PPP1R7: variants seen among roughly 807,000 people sequenced by gnomAD.
The protein encoded by PPP1R7 is protein phosphatase 1 regulatory subunit 7.
Under a neutral mutation model 45.2 loss-of-function variants are expected in PPP1R7, and 18 were observed. The ratio of observed to expected loss-of-function variants is 0.40; its 90% CI spans 0.28 to 0.59. The LOEUF (loss-of-function observed/expected upper bound fraction) is 0.59. Among genes scored for constraint, PPP1R7 ranks in the 20% least tolerant of loss-of-function variants. PPP1R7 has a pLI of 0.46. For missense variants in PPP1R7, 314 were observed against 455.8 expected (o/e 0.69, Z 2.83); for synonymous variants, 181 against 183.4 (o/e 0.99, Z 0.11).
chr2:241,154,777 C>G (rs188203684), intron 2 of PPP1R7, among the ~76,000 whole-genome samples: 4 of 152,154 alleles, frequency 2.6e-5, no homozygotes, highest in African/African-American at 9.7e-5. Flanking sequence ...ACACATCAAA[C>G]GGGCTGAGTC....
chr2:241,150,602 G>A (rs1313364415), intron 1 of PPP1R7, 55 bp downstream of exon 1: 5 of 1,543,694 alleles, frequency 3.2e-6, no homozygotes, highest in Non-Finnish European at 4.4e-6. Flanking sequence ...GGGGAGCTGC[G>A]GGCTGGAACT....
At chr2:241,174,046 T>G (rs2067867430) in intron 9 of PPP1R7, among the ~76,000 whole-genome samples, 1 of 152,194 alleles carries the variant, frequency 6.6e-6, no homozygotes, top group Admixed American at 6.5e-5. Context: ...GTTGAATGTC[T>G]GGAATTTATG....
intron 9 of PPP1R7, among the ~76,000 whole-genome samples, chr2:241,174,338 C>T (rs927331855): frequency 5.3e-5 from 8 of 152,184 alleles, no homozygotes; most frequent in African/African-American, 1.7e-4. Flanking sequence ...AGTTCTTCGA[C>T]CAGCCTTTAG....
At chr2:241,177,599 A>G (rs1225560557) in intron 9 of PPP1R7, among the ~76,000 whole-genome samples, 1 of 152,236 alleles carries the variant, frequency 6.6e-6, no homozygotes, top group Non-Finnish European at 1.5e-5. Flanking sequence ...TTAAAGTGAA[A>G]GAAAGCGATT....
At chr2:241,175,321 A>T (rs2067891924) in intron 9 of PPP1R7, among the ~76,000 whole-genome samples, 1 of 152,232 alleles carries the variant, frequency 6.6e-6, no homozygotes, top group African/African-American at 2.4e-5. Context: ...CTCTGTACCC[A>T]TTAAACAATA....
chr2:241,157,937 TA>T, intron 3 of PPP1R7, 75 bp downstream of exon 3: 1 of 1,482,376 alleles, frequency 6.7e-7, no homozygotes, highest in Non-Finnish European at 9.4e-7. Flanking sequence ...ATGAGATTAG[TA>T]AGTTATTTCC....
At position 241,168,843 on chromosome 2, in the gene PPP1R7, A is replaced by T. The variant is rs952865614; in HGVS notation, c.820-938A>T. The stretch of plus-strand genomic sequence containing the variant: ...ACATTTCAGGGGAGATGGGGGGAGG[A>T]GTATTTGCTTTTGAGAAATTTTTTA... On this transcript the variant is annotated intron_variant, in intron 8 of 9. Transcript: ENST00000234038. 2.0e-5 allele frequency among the ~76,000 whole-genome samples: 3 copies of T among 152,144 alleles called. No homozygotes were observed. In the South Asian group the frequency reaches 6.2e-4, roughly 32 times the overall value.
chr2:241,151,632 T>C, intron 1 of PPP1R7: 1 of 457,534 alleles, frequency 2.2e-6, no homozygotes, highest in South Asian at 1.6e-5. Flanking sequence ...TCATACCCTT[T>C]GAGTCTTTTT....
At chr2:241,149,898 G>A, upstream of PPP1R7, 4 of 1,439,954 alleles carry the variant, frequency 2.8e-6, no homozygotes, top group South Asian at 5.9e-5. Flanking sequence ...GGCCCCACCA[G>A]CGCAAGTGCC....
chr2:241,179,630 T>C (rs4675988), intron 9 of PPP1R7, among the ~76,000 whole-genome samples: 3,756 of 152,274 alleles, frequency 0.025, 284 homozygotes, highest in East Asian at 0.21. Flanking sequence ...GAAAGGAATG[T>C]GCCCGCGCTC....
chr2:241,169,681 A>G (rs1410646572), intron 8 of PPP1R7, 100 bp from the exon 9 acceptor site: 1 of 950,550 alleles, frequency 1.1e-6, no homozygotes, highest in African/African-American at 1.6e-5. Flanking sequence ...AGGGCAGTGC[A>G]CCTGCAGCCC....
At chr2:241,167,405 C>T (rs2067737122) in intron 8 of PPP1R7, among the ~76,000 whole-genome samples, 1 of 152,182 alleles carries the variant, frequency 6.6e-6, no homozygotes, top group Admixed American at 6.5e-5. Context: ...GTTTATAAAA[C>T]TAGCATGCAA....
chr2:241,163,577 C>T (rs1003328971), intron 7 of PPP1R7, among the ~76,000 whole-genome samples, 176 bp downstream of exon 7: 3 of 152,156 alleles, frequency 2.0e-5, no homozygotes, highest in African/African-American at 7.2e-5. Flanking sequence ...CAAGCAAAAA[C>T]TTGATTCTCT....
chr2:241,169,282 G>A (rs2067774125), intron 8 of PPP1R7, among the ~76,000 whole-genome samples: 1 of 152,160 alleles, frequency 6.6e-6, no homozygotes, highest in Admixed American at 6.5e-5. Flanking sequence ...CACTGCTACT[G>A]TGCGCCTGGG....
At chr2:241,161,129 C>T (rs527915385) in intron 6 of PPP1R7, among the ~76,000 whole-genome samples, 30 of 131,108 alleles carry the variant, frequency 2.3e-4, no homozygotes, top group African/African-American at 9.1e-4. Flanking sequence ...AATTGATGTA[C>T]ATACCGGGGC....
chr2:241,155,505 T>C (rs1462882355), intron 2 of PPP1R7, among the ~76,000 whole-genome samples: 2 of 152,240 alleles, frequency 1.3e-5, no homozygotes, highest in East Asian at 1.9e-4. Flanking sequence ...AAAACAAATT[T>C]AATCATGTCA....
intron 7 of PPP1R7, among the ~76,000 whole-genome samples, chr2:241,164,172 C>T (rs747022961): frequency 1.2e-4 from 19 of 152,180 alleles, no homozygotes; most frequent in Non-Finnish European, 2.4e-4. Context: ...CTGCCTTGGC[C>T]TCCCAAAAAA....
chr2:241,155,277 G>A (rs1375915019), intron 2 of PPP1R7: 1 of 152,236 alleles, frequency 6.6e-6, no homozygotes, highest in Non-Finnish European at 1.5e-5. Context: ...AAGTACACCA[G>A]TGTGGTAATG....
intron 8 of PPP1R7, among the ~76,000 whole-genome samples, chr2:241,168,972 G>A (rs1197286169): frequency 6.6e-6 from 1 of 152,196 alleles, no homozygotes; most frequent in East Asian, 1.9e-4. Flanking sequence ...GGCAGAGAAG[G>A]GAATGAACTT....
Sources: gnomAD v4.1 joint callset for allele counts (sites outside exome capture counted in the v4.1 genomes callset) on GRCh38, gnomAD v4.1.1 for gene constraint, MANE v1.5 for transcripts, NCBI Gene and HGNC (gene_info 2026-07-23, HGNC 2026-07-21) for gene names.